Variants in IPO11 observed in about 807,000 individuals in gnomAD.
The protein encoded by IPO11 is importin 11, also known as importin-11.
In IPO11, 66 loss-of-function variants were observed where a neutral mutation model predicts 143.2. That is an observed-to-expected ratio of 0.46 (90% CI 0.38 to 0.57). IPO11 has a LOEUF of 0.57. Ranked by LOEUF, IPO11 falls within the 20% of genes least tolerant of loss-of-function variation. IPO11 has a pLI of 0.00. For synonymous variants in IPO11, 385 were observed against 377.8 expected, an observed-to-expected ratio of 1.02 and a Z score of -0.22; for missense variants, 1,026 against 1,141.0, an observed-to-expected ratio of 0.90 and a Z score of 1.45.
chr5:62,561,074 GTATT>G (rs1743752897), intron 26 of IPO11, 58 bp from the exon 27 acceptor site: 1 of 1,444,694 alleles, frequency 6.9e-7, no homozygotes, highest in Admixed American at 2.2e-5. Flanking sequence ...GCCTTTAAAA[GTATT>G]TACCCACAAG....
rs1446678686 is a variant in IPO11, at chr5:62,474,355, A to G, written c.709-61A>G. On this transcript the variant is annotated intron_variant, in intron 7 of 29. Transcript: ENST00000325324. ...AGATTTGTTTTGGTATCCCTGAAAAAGATACAAGGTAAATGTTTATAACAA... is the reference window on the plus strand; with the variant it reads ...AGATTTGTTTTGGTATCCCTGAAAAGGATACAAGGTAAATGTTTATAACAA... The G allele has an allele frequency of 7.8e-6, 8 of 1,028,822 alleles. No individual in the cohort carries two copies. The Admixed American group carries it at 8.0e-5, about 10-fold the overall frequency. The allele number at this position is 1,028,822 out of a possible 1,614,324, so 63.7% of individuals were successfully genotyped here. A position where few individuals can be genotyped will look rare whatever the true frequency, so the allele number is the denominator to read the frequency against.
chr5:62,483,290 G>C lies in IPO11; in HGVS notation c.1018G>C (p.Glu340Gln). Residue 340 changes from glutamate (E) to glutamine (Q), a missense_variant, in exon 10 of 30, where the codon GAA (glutamate) becomes CAA (glutamine). By Grantham distance (29) the Glu-to-Gln change is conservative. Coordinates refer to ENST00000325324, the MANE Select transcript of IPO11 (RefSeq NM_016338.5). ...NYAYKPSKNF[E>Q]DSSPETLEAH... ...TGCTTATAAGCCATCCAAAAATTTT[G>C]AAGGTAATTCCTTTATTGGCAGTTT... 6.5e-7 allele frequency: 1 copy of C among 1,534,946 alleles called. No individual in the cohort carries two copies. Among genetic ancestry groups the C allele is most frequent in the Non-Finnish European group, 8.8e-7 (1 of 1,132,090 alleles).
At chr5:62,431,930 G>A (rs949246827) in intron 1 of IPO11, among the ~76,000 whole-genome samples, 1 of 121,684 alleles carries the variant, frequency 8.2e-6, no homozygotes, top group Non-Finnish European at 1.7e-5. Flanking sequence ...GACAGAGCAA[G>A]ACTCACATAC....
intron 9 of IPO11, 73 bp downstream of exon 9, chr5:62,476,826 T>C (rs1381396974): frequency 7.3e-7 from 1 of 1,374,002 alleles, no homozygotes; most frequent in Non-Finnish European, 9.7e-7. Context: ...ATGATATTTT[T>C]ATAACCATAC....
At chr5:62,437,909 A>G (rs1230932354) in intron 2 of IPO11, among the ~76,000 whole-genome samples, 1 of 152,236 alleles carries the variant, frequency 6.6e-6, no homozygotes, top group Non-Finnish European at 1.5e-5. Flanking sequence ...TTAATTAACA[A>G]TATGTGCTTT....
chr5:62,443,107 TC>T (rs1248012015), intron 3 of IPO11, 24 bp downstream of exon 3: 2 of 1,427,382 alleles, frequency 1.4e-6, no homozygotes, highest in African/African-American at 1.4e-5. Context: ...CTTCCCCTAT[TC>T]CTTGAGTATA....
intron 1 of IPO11, among the ~76,000 whole-genome samples, chr5:62,421,225 T>G (rs901870419): frequency 1.3e-5 from 2 of 152,252 alleles, no homozygotes; most frequent in Non-Finnish European, 2.9e-5. Flanking sequence ...GTCTTGTTGA[T>G]TCACAAGGGT....
At chr5:62,528,886 A>G (rs1045761970) in intron 21 of IPO11, among the ~76,000 whole-genome samples, 8 of 152,108 alleles carry the variant, frequency 5.3e-5, no homozygotes, top group Admixed American at 5.2e-4. Flanking sequence ...ATGGAGTGAA[A>G]CTTTCAGACT....
chr5:62,474,490 T>G, intron 8 of IPO11, 26 bp downstream of exon 8: 2 of 1,531,838 alleles, frequency 1.3e-6, no homozygotes, highest in Non-Finnish European at 1.8e-6. Context: ...GCAGTCCTTT[T>G]TACTGTAGAA....
At chr5:62,556,973 C>G (rs1743595743) in intron 26 of IPO11, among the ~76,000 whole-genome samples, 1 of 152,024 alleles carries the variant, frequency 6.6e-6, no homozygotes, top group African/African-American at 2.4e-5. Flanking sequence ...GATGAGGGCT[C>G]AGTATTCTTG....
chr5:62,467,506 A>C (rs1745613087), intron 6 of IPO11, among the ~76,000 whole-genome samples: 1 of 152,190 alleles, frequency 6.6e-6, no homozygotes, highest in Non-Finnish European at 1.5e-5. Flanking sequence ...TTGCGGCCTC[A>C]TGGCTCTGAA....
chr5:62,453,516 A>T (rs1323730298), intron 5 of IPO11, among the ~76,000 whole-genome samples: 1 of 144,598 alleles, frequency 6.9e-6, no homozygotes, highest in Non-Finnish European at 1.5e-5. Context: ...TTATTCTTTC[A>T]CAAAGAATTG....
intron 22 of IPO11, among the ~76,000 whole-genome samples, chr5:62,531,667 T>C (rs1742550798): frequency 6.6e-6 from 1 of 152,198 alleles, no homozygotes; most frequent in African/African-American, 2.4e-5. Context: ...ACTCACTCTT[T>C]GTAAATACCA....
At chr5:62,551,812 G>T (rs1362408295) in intron 26 of IPO11, among the ~76,000 whole-genome samples, 1 of 152,088 alleles carries the variant, frequency 6.6e-6, no homozygotes, top group Non-Finnish European at 1.5e-5. Context: ...TTTGGAATAG[G>T]TTTTTTAGTG....
intron 7 of IPO11, 55 bp from the exon 8 acceptor site, chr5:62,474,361 A>G: frequency 9.4e-7 from 1 of 1,067,738 alleles, no homozygotes; most frequent in Non-Finnish European, 1.3e-6. Context: ...AAAAAGATAC[A>G]AGGTAAATGT....
intron 27 of IPO11, among the ~76,000 whole-genome samples, chr5:62,578,019 A>G (rs1179808348): frequency 6.6e-6 from 1 of 152,146 alleles, no homozygotes; most frequent in Non-Finnish European, 1.5e-5. Flanking sequence ...TTGAAAAATG[A>G]CGTTAAAAAA....
At chr5:62,545,095 CTACTT>C (rs1254313289) in intron 24 of IPO11, among the ~76,000 whole-genome samples, 3 of 152,142 alleles carry the variant, frequency 2.0e-5, no homozygotes, top group Non-Finnish European at 4.4e-5. Flanking sequence ...TGGAAAAAAA[CTACTT>C]TAAAGTTCAT....
At chr5:62,524,566 A>G (rs528948016) in intron 20 of IPO11, among the ~76,000 whole-genome samples, 5 of 152,102 alleles carry the variant, frequency 3.3e-5, no homozygotes, top group Non-Finnish European at 5.9e-5. Context: ...AAGGCCCAAT[A>G]TGTACTACTC....
intron 21 of IPO11, 65 bp from the exon 22 acceptor site, chr5:62,530,644 A>T: frequency 2.2e-6 from 2 of 923,196 alleles, no homozygotes; most frequent in Non-Finnish European, 3.5e-6. Flanking sequence ...TAAAATATTT[A>T]AGTCATATGT....
Sources: gnomAD v4.1 joint callset for allele counts (sites outside exome capture counted in the v4.1 genomes callset) on GRCh38, gnomAD v4.1.1 for gene constraint, MANE v1.5 for transcripts, NCBI Gene and HGNC (gene_info 2026-07-23, HGNC 2026-07-21) for gene names.